Variants in RARB observed in about 807,000 individuals in gnomAD.
RARB encodes the protein HBV-activated protein.
Under a neutral mutation model 51.9 loss-of-function variants are expected in RARB, and 17 were observed. That is an observed-to-expected ratio of 0.33 (90% confidence interval 0.22 to 0.49). The LOEUF (loss-of-function observed/expected upper bound fraction) is 0.49. Ranked by LOEUF, RARB falls within the 20% of genes least tolerant of loss-of-function variation. RARB has a pLI of 0.99. For missense variants in RARB, 369 were observed against 550.8 expected, an observed-to-expected ratio of 0.67 and a Z score of 3.30; for synonymous variants, 215 against 195.4, an observed-to-expected ratio of 1.10 and a Z score of -0.84.
intron 2 of RARB, among the ~76,000 whole-genome samples, chr3:24,924,959 A>G (rs1041168257): frequency 1.3e-5 from 2 of 152,136 alleles, no homozygotes; most frequent in African/African-American, 4.8e-5. Flanking sequence ...CAACCACTAT[A>G]GACAATGCAA....
intron 2 of RARB, among the ~76,000 whole-genome samples, chr3:25,466,286 C>T (rs1695428128): frequency 6.6e-6 from 1 of 152,162 alleles, no homozygotes; most frequent in South Asian, 2.1e-4. Context: ...CTCCCGGGTT[C>T]AAGCAATTCT....
chr3:24,999,045 G>T (rs575080424), intron 2 of RARB, among the ~76,000 whole-genome samples: 1 of 152,226 alleles, frequency 6.6e-6, no homozygotes, highest in Non-Finnish European at 1.5e-5. Flanking sequence ...CAGCTGGAAT[G>T]GGGTTTTGGT....
chr3:25,481,753 T>A (rs1469757317), intron 2 of RARB, among the ~76,000 whole-genome samples: 1 of 152,262 alleles, frequency 6.6e-6, no homozygotes, highest in Non-Finnish European at 1.5e-5. Context: ...TGTTTTTAGC[T>A]TTCTTTGCAC....
chr3:25,081,815 T>G (rs1368257217), intron 3 of RARB, among the ~76,000 whole-genome samples: 1 of 150,236 alleles, frequency 6.7e-6, no homozygotes, highest in Non-Finnish European at 1.5e-5. Flanking sequence ...GTACTTTCAG[T>G]AGAGATGGGG....
intron 5 of RARB, among the ~76,000 whole-genome samples, chr3:25,317,232 G>C (rs536383008): frequency 1.3e-5 from 2 of 152,198 alleles, no homozygotes; most frequent in Admixed American, 6.5e-5. Context: ...AAATAAGTAG[G>C]ATAGTCACTA....
At chr3:24,954,408 G>A (rs1695964869) in intron 2 of RARB, among the ~76,000 whole-genome samples, 2 of 152,176 alleles carry the variant, frequency 1.3e-5, no homozygotes, top group South Asian at 4.1e-4. Context: ...TCAGACTTAA[G>A]CAGCAGCTGA....
chr3:24,923,598 A>G (rs1695261835), intron 2 of RARB, among the ~76,000 whole-genome samples: 1 of 152,142 alleles, frequency 6.6e-6, no homozygotes, highest in Non-Finnish European at 1.5e-5. Flanking sequence ...GGTAACAAGA[A>G]TAAACCTCAG....
chr3:24,936,325 A>G (rs1695547880), intron 2 of RARB, among the ~76,000 whole-genome samples: 1 of 152,314 alleles, frequency 6.6e-6, no homozygotes, highest in East Asian at 1.9e-4. Flanking sequence ...AGGGCCTCAG[A>G]TCACACAATA....
At chr3:25,525,771 T>C (rs1347928017) in intron 3 of RARB, among the ~76,000 whole-genome samples, 1 of 152,080 alleles carries the variant, frequency 6.6e-6, no homozygotes, top group East Asian at 1.9e-4. Flanking sequence ...CTGAGCATCA[T>C]GGAGGTAAAG....
chr3:24,895,652 C>A (rs569605354), intron 2 of RARB, among the ~76,000 whole-genome samples: 1 of 150,134 alleles, frequency 6.7e-6, no homozygotes, highest in Non-Finnish European at 1.5e-5. Context: ...CTCGCTCTTT[C>A]ACCCAGGCTG....
intron 3 of RARB, among the ~76,000 whole-genome samples, chr3:25,544,993 G>A (rs141781487): frequency 1.4e-3 from 212 of 152,216 alleles, no homozygotes; most frequent in African/African-American, 4.4e-3. Context: ...ACGGAGTCTC[G>A]TTCTGTCGCC....
At chr3:25,368,807 GC>G (rs1207292434) in intron 5 of RARB, among the ~76,000 whole-genome samples, 1 of 152,120 alleles carries the variant, frequency 6.6e-6, no homozygotes, top group Non-Finnish European at 1.5e-5. Flanking sequence ...TCTTACTTTA[GC>G]CTGTGTTTCA....
chr3:25,219,934 C>A (rs1701909867), intron 5 of RARB, among the ~76,000 whole-genome samples: 1 of 152,114 alleles, frequency 6.6e-6, no homozygotes, highest in Admixed American at 6.6e-5. Context: ...GGCACACATA[C>A]CTCATTTTAA....
At chr3:25,470,675 G>A (rs541735280) in intron 2 of RARB, among the ~76,000 whole-genome samples, 1 of 152,282 alleles carries the variant, frequency 6.6e-6, no homozygotes, top group Non-Finnish European at 1.5e-5. Context: ...GGATCCATAG[G>A]ATATTAAAGA....
intron 5 of RARB, among the ~76,000 whole-genome samples, chr3:25,388,054 G>GA (rs34768755): frequency 0.61 from 92,288 of 151,678 alleles, 29,201 homozygotes; most frequent in East Asian, 0.9. Flanking sequence ...GGAAGTTAAA[G>GA]AAATGGAAAT....
chr3:25,196,093 T>C (rs1003396197), intron 5 of RARB, among the ~76,000 whole-genome samples: 6 of 152,068 alleles, frequency 3.9e-5, no homozygotes, highest in Admixed American at 2.0e-4. Context: ...TTTTATTCTT[T>C]ATGTTCTAGG....
chr3:25,513,141 G>C, intron 3 of RARB, among the ~76,000 whole-genome samples: 1 of 138,248 alleles, frequency 7.2e-6, no homozygotes. Flanking sequence ...AAAAAAAGTA[G>C]CCAGATGTGG....
chr3:25,419,207 T>C (rs1553613018), intron 5 of RARB, among the ~76,000 whole-genome samples: 1 of 152,142 alleles, frequency 6.6e-6, no homozygotes, highest in Non-Finnish European at 1.5e-5. Context: ...TGTTCCTTTC[T>C]TATGTATACA....
intron 4 of RARB, among the ~76,000 whole-genome samples, chr3:25,148,800 C>G (rs992548750): frequency 6.6e-6 from 1 of 152,048 alleles, no homozygotes; most frequent in Non-Finnish European, 1.5e-5. Context: ...TAAGTAGTTG[C>G]CAAATATTCC....
Sources: gnomAD v4.1 joint callset for allele counts (sites outside exome capture counted in the v4.1 genomes callset) on GRCh38, gnomAD v4.1.1 for gene constraint, MANE v1.5 for transcripts, NCBI Gene and HGNC (gene_info 2026-07-23, HGNC 2026-07-21) for gene names.